Variants in IL17RD observed in about 807,000 individuals in gnomAD.
IL17RD encodes interleukin-17 receptor D.
In IL17RD, 52 loss-of-function variants were observed where a neutral mutation model predicts 80.5. The observed-to-expected ratio is 0.65, with a 90% CI of 0.52 to 0.81. The LOEUF (loss-of-function observed/expected upper bound fraction) is 0.81, where lower values mean the gene tolerates loss of function less well. IL17RD is among the 40% of genes least tolerant of loss of function. The pLI is 0.00. For missense variants in IL17RD, 1,024 were observed against 955.1 expected (o/e 1.07, Z -0.95); for synonymous variants, 416 against 391.8 (o/e 1.06, Z -0.73).
chr3:57,158,488 TTCACA>T (rs1290557838), intron 1 of IL17RD, among the ~76,000 whole-genome samples: 1 of 152,254 alleles, frequency 6.6e-6, no homozygotes, highest in East Asian at 1.9e-4. Flanking sequence ...TACATGTGTG[TTCACA>T]TCACATCTTT....
intron 1 of IL17RD, among the ~76,000 whole-genome samples, chr3:57,153,942 G>A (rs938351834): frequency 5.9e-5 from 9 of 151,848 alleles, no homozygotes; most frequent in Admixed American, 2.0e-4. Flanking sequence ...TTCCTGTATC[G>A]TTTCAGAAAA....
chr3:57,110,868 T>C (rs1344069499), intron 3 of IL17RD, among the ~76,000 whole-genome samples: 2 of 152,378 alleles, frequency 1.3e-5, no homozygotes, highest in East Asian at 1.9e-4. Context: ...AAAGCGGTTC[T>C]TGCTCTAATC....
chr3:57,120,455 C>T (rs1475251501), intron 1 of IL17RD, 142 bp from the exon 2 acceptor site: 1 of 656,692 alleles, frequency 1.5e-6, no homozygotes, highest in Admixed American at 2.2e-5. Flanking sequence ...ACTCTTTCTG[C>T]CCGCTTCATG....
rs1449316277 is a variant in IL17RD, at chr3:57,105,929, G to A, written c.675C>T (p.Phe225=). 7 of 1,613,750 alleles carry A rather than the reference G, an allele frequency of 4.3e-6. No homozygotes were observed. The highest frequency in any genetic ancestry group is 2.7e-5 in the African/African-American group (2 of 74,884). ...QVSFDHAPHN[F]GFRFFYLHYK... ...AGTGAAGATAGAAGAAACGGAAGCCGAAGTTGTGCGGTGCATGGTCGAAGG... is the reference window on the plus strand; with the variant it reads ...AGTGAAGATAGAAGAAACGGAAGCCAAAGTTGTGCGGTGCATGGTCGAAGG... Residue 225 remains phenylalanine, a synonymous_variant, in exon 7 of 13, where the codon TTC becomes TTT. Coordinates refer to ENST00000296318, the MANE Select transcript of IL17RD (RefSeq NM_017563.5).
In IL17RD at chr3:57,164,792, G is replaced by C. The variant is rs961068746; in HGVS notation, c.126+369C>G. 7 of 678,150 alleles carry C rather than the reference G, an allele frequency of 1.0e-5. No individual in the cohort carries two copies. The African/African-American group carries it at 1.2e-4, about 11-fold the overall frequency. 42.0% of individuals were successfully genotyped at this position (678,150 alleles called of 1,614,324 possible). A position where few individuals can be genotyped will look rare whatever the true frequency, so the allele number is the denominator to read the frequency against. On this transcript the variant is annotated intron_variant, in intron 1 of 12. Transcript: ENST00000296318. The stretch of plus-strand genomic sequence containing the variant: ...AGCGCAACCCGGTCCGGGTGGCTCG[G>C]GGGATCCCAGCCCGGGACACGCAGC...
chr3:57,110,945 A>C (rs1707082816), intron 3 of IL17RD, among the ~76,000 whole-genome samples: 1 of 152,230 alleles, frequency 6.6e-6, no homozygotes, highest in South Asian at 2.1e-4. Flanking sequence ...CGAGGCCCCG[A>C]GACACCCACA....
At chr3:57,100,876 T>G (rs908109660) in intron 11 of IL17RD, among the ~76,000 whole-genome samples, 2 of 152,248 alleles carry the variant, frequency 1.3e-5, no homozygotes, top group African/African-American at 4.8e-5. Context: ...TCCAATTGCA[T>G]GTTTCCACGG....
At position 57,098,079 on chromosome 3, in the gene IL17RD, G is replaced by C. The variant is rs1186927795; in HGVS notation, c.1624C>G (p.Leu542Val). The stretch of plus-strand genomic sequence containing the variant: ...TGCATGTTGCAAATGGCGACGTATA[G>C]GGACCGGCCTGACTTGCTCCGGAAG... ...NYFRSKSGRSLYVAICNMHQF... is the reference protein window; with the variant it reads ...NYFRSKSGRSVYVAICNMHQF... Residue 542 changes from leucine to valine, a missense_variant, in exon 12 of 13, where the codon CTA becomes GTA. Physicochemically the swap from Leu to Val is conservative, Grantham distance 32. Coordinates refer to ENST00000296318, the MANE Select transcript of IL17RD (RefSeq NM_017563.5). The C allele has an allele frequency of 6.2e-7, 1 of 1,614,004 alleles. No homozygotes were observed. Among genetic ancestry groups the C allele is most frequent in the Admixed American group, 1.7e-5 (1 of 60,032 alleles).
intron 1 of IL17RD, among the ~76,000 whole-genome samples, chr3:57,149,612 T>C (rs552051339): frequency 3.9e-5 from 6 of 152,346 alleles, no homozygotes; most frequent in African/African-American, 1.4e-4. Flanking sequence ...TTAAGTAAAA[T>C]TAAACATTCA....
At chr3:57,152,505 C>T (rs548348046) in intron 1 of IL17RD, among the ~76,000 whole-genome samples, 2 of 152,348 alleles carry the variant, frequency 1.3e-5, no homozygotes, top group South Asian at 4.1e-4. Flanking sequence ...GGCACACAGG[C>T]CTGCCTGCGC....
intron 1 of IL17RD, among the ~76,000 whole-genome samples, chr3:57,159,644 C>A (rs1313072401): frequency 1.3e-5 from 2 of 152,294 alleles, no homozygotes; most frequent in South Asian, 2.1e-4. Context: ...ACAGACAGCC[C>A]CCCGGCTGAC....
intron 1 of IL17RD, among the ~76,000 whole-genome samples, chr3:57,139,694 G>A (rs1256336065): frequency 2.0e-5 from 3 of 152,076 alleles, no homozygotes; most frequent in Middle Eastern, 3.4e-3. Flanking sequence ...TGTATTTTTA[G>A]TAGAGACAGG....
At chr3:57,116,299 T>C (rs78757517) in intron 2 of IL17RD, among the ~76,000 whole-genome samples, 1 of 149,482 alleles carries the variant, frequency 6.7e-6, no homozygotes, top group Non-Finnish European at 1.5e-5. Flanking sequence ...TTTTTTTTTT[T>C]TGAGACAGAG....
intron 3 of IL17RD, among the ~76,000 whole-genome samples, chr3:57,112,615 A>G (rs1707124682): frequency 6.6e-6 from 1 of 152,208 alleles, no homozygotes; most frequent in Admixed American, 6.5e-5. Context: ...TAAGCCTTAC[A>G]TGGAATGACC....
chr3:57,123,975 G>A (rs1180955981), intron 1 of IL17RD, among the ~76,000 whole-genome samples: 1 of 152,132 alleles, frequency 6.6e-6, no homozygotes, highest in Non-Finnish European at 1.5e-5. Context: ...AACCCGGGAG[G>A]CGGAGGTTGC....
chr3:57,126,518 C>T (rs1240364597), intron 1 of IL17RD, among the ~76,000 whole-genome samples: 1 of 152,224 alleles, frequency 6.6e-6, no homozygotes, highest in Admixed American at 6.5e-5. Context: ...GGAGCAGGAT[C>T]CACAGGCAGC....
chr3:57,119,494 A>C (rs771197915), intron 2 of IL17RD, among the ~76,000 whole-genome samples: 66 of 152,280 alleles, frequency 4.3e-4, no homozygotes, highest in Non-Finnish European at 7.5e-4. Context: ...ACGCCACTAC[A>C]CTCCAGCCTG....
chr3:57,117,820 T>G (rs752001745), intron 2 of IL17RD, among the ~76,000 whole-genome samples: 2 of 152,210 alleles, frequency 1.3e-5, no homozygotes, highest in African/African-American at 2.4e-5. Context: ...TGCAAAAAAT[T>G]TATGTCCAAA....
intron 2 of IL17RD, among the ~76,000 whole-genome samples, chr3:57,116,094 T>G (rs1334423538): frequency 6.6e-6 from 1 of 152,040 alleles, no homozygotes; most frequent in Non-Finnish European, 1.5e-5. Context: ...GCACATAATA[T>G]TCCTCTTTTT....
Sources: gnomAD v4.1 joint callset for allele counts (sites outside exome capture counted in the v4.1 genomes callset) on GRCh38, gnomAD v4.1.1 for gene constraint, MANE v1.5 for transcripts, NCBI Gene and HGNC (gene_info 2026-07-23, HGNC 2026-07-21) for gene names.